The following WDPCP variants were observed in gnomAD, a reference collection of about 807,000 sequenced individuals.
WDPCP encodes the protein WD repeat-containing and planar cell polarity effector protein fritz homolog.
In WDPCP, 71 loss-of-function variants were observed where a neutral mutation model predicts 93.1. That is an observed-to-expected ratio of 0.76 (90% CI 0.63 to 0.93). The LOEUF is 0.93. Ranked by LOEUF, WDPCP falls within the 40% of genes least tolerant of loss-of-function variation. The probability of loss-of-function intolerance (pLI) is 0.00; values close to 1 mark genes in which losing one functional copy is unlikely to be tolerated. For synonymous variants in WDPCP, 315 were observed against 315.0 expected, an observed-to-expected ratio of 1.00 and a Z score of 0.00; for missense variants, 844 against 887.4, an observed-to-expected ratio of 0.95 and a Z score of 0.62.
upstream of WDPCP, among the ~76,000 whole-genome samples, chr2:63,828,777 GC>G (rs1264587128): frequency 1.3e-5 from 2 of 151,964 alleles, no homozygotes; most frequent in Admixed American, 6.6e-5. Context: ...TCAATCCATT[GC>G]CTGGATTCTA....
At chr2:63,309,143 A>G (rs1575110884) in intron 13 of WDPCP, among the ~76,000 whole-genome samples, 1 of 152,274 alleles carries the variant, frequency 6.6e-6, no homozygotes, top group Non-Finnish European at 1.5e-5. Flanking sequence ...AAATTTACCT[A>G]TTGGATACAA....
chr2:63,658,682 A>T (rs1386386934), intron 2 of WDPCP, among the ~76,000 whole-genome samples: 1 of 152,216 alleles, frequency 6.6e-6, no homozygotes, highest in African/African-American at 2.4e-5. Context: ...TGCTCAAATA[A>T]CAATAGTTTG....
At position 63,487,447 on chromosome 2, in the gene WDPCP, C is replaced by T. The variant is rs1255148028; in HGVS notation, c.208G>A (p.Ala70Thr). Residue 70 changes from alanine to threonine, a missense_variant and splice_region_variant, in exon 3 of 18, where the codon GCG (alanine) becomes ACG (threonine). Physicochemically the swap from Ala to Thr is moderately conservative, Grantham distance 58 (BLOSUM62 0). Coordinates refer to ENST00000272321, the MANE Select transcript of WDPCP (RefSeq NM_015910.7). ...TAATTGCACAGAATAGGTACTTTAC[C>T]TGGTGGATCTTTCTTGTCATAATAC... ...YQYYDKKDPP[A>T]TEHGNLEKKQ... is the part of the protein sequence containing the mutation. The T allele has an allele frequency of 4.4e-6, 7 of 1,587,874 alleles. No homozygotes were observed. Among genetic ancestry groups the T allele is most frequent in the Admixed American group, 1.7e-5 (1 of 59,680 alleles).
chr2:63,566,850 C>A (rs1046740464), intron 1 of WDPCP, among the ~76,000 whole-genome samples: 4 of 152,208 alleles, frequency 2.6e-5, no homozygotes, highest in Non-Finnish European at 2.9e-5. Flanking sequence ...GTTCCCACGA[C>A]CCCCTCCTCA....
intron 4 of WDPCP, 40 bp from the exon 5 acceptor site, chr2:63,485,027 T>C (rs1700485568): frequency 6.2e-7 from 1 of 1,608,938 alleles, no homozygotes; most frequent in South Asian, 1.1e-5. Context: ...TTAAACAAGA[T>C]TTAAAAAGGA....
rs370398046 is a variant in WDPCP, at chr2:63,493,646, A to C, written c.76-706T>G. Among the ~76,000 whole-genome samples the C allele has an allele frequency of 1.1e-4, 17 of 151,496 alleles. No homozygotes were observed. The East Asian group carries it at 2.1e-3, about 19-fold the overall frequency. The stretch of plus-strand genomic sequence containing the variant: ...ACACTATGAATACTTTTTTTTTTTA[A>C]TCAAGTACTACCTCATCGATTTAGA... On this transcript the variant is annotated intron_variant, in intron 1 of 17. Transcript: ENST00000272321.
At chr2:63,793,587 G>A (rs1343192147) in intron 2 of WDPCP, among the ~76,000 whole-genome samples, 1 of 151,836 alleles carries the variant, frequency 6.6e-6, no homozygotes, top group Non-Finnish European at 1.5e-5. Flanking sequence ...CCTAAGCCCG[G>A]GTGACAGAGC....
intron 1 of WDPCP, among the ~76,000 whole-genome samples, chr2:63,538,550 G>A (rs1378304427): frequency 6.6e-6 from 1 of 152,108 alleles, no homozygotes; most frequent in African/African-American, 2.4e-5. Context: ...CTATAAAGAT[G>A]ATTTCCATAT....
chr2:63,338,566 AAAAATATATATATATATATATAT>A (rs1440078658), intron 12 of WDPCP, among the ~76,000 whole-genome samples: 124 of 9,916 alleles, frequency 0.013, 4 homozygotes, highest in Middle Eastern at 0.12. Flanking sequence ...AAAAAAAAAA[AAAAATATATATATATATATATAT>A]ATATATATAT....
intron 12 of WDPCP, among the ~76,000 whole-genome samples, chr2:63,366,739 T>C (rs1690944091): frequency 2.0e-5 from 3 of 152,138 alleles, no homozygotes; most frequent in Non-Finnish European, 2.9e-5. Context: ...TCTCCCTTCT[T>C]ATCAAATACC....
At chr2:63,222,026 C>T (rs1677880691) in intron 14 of WDPCP, among the ~76,000 whole-genome samples, 1 of 152,110 alleles carries the variant, frequency 6.6e-6, no homozygotes, top group African/African-American at 2.4e-5. Flanking sequence ...TAAGAGTCAC[C>T]ACCAGGCTCT....
chr2:63,694,703 A>G, intron 2 of WDPCP, among the ~76,000 whole-genome samples: 1 of 152,186 alleles, frequency 6.6e-6, no homozygotes, highest in Admixed American at 6.5e-5. Context: ...AGCATAAAAA[A>G]GGAAATGAAA....
intron 2 of WDPCP, among the ~76,000 whole-genome samples, chr2:63,791,584 G>A (rs1670546909): frequency 6.6e-6 from 1 of 152,052 alleles, no homozygotes; most frequent in Admixed American, 6.6e-5. Context: ...TTGAATATTT[G>A]CCTAGAATAA....
chr2:63,578,352 G>A (rs768586240), intron 1 of WDPCP, among the ~76,000 whole-genome samples: 3 of 152,156 alleles, frequency 2.0e-5, no homozygotes, highest in Admixed American at 1.3e-4. Flanking sequence ...ACAGCGCACA[G>A]CTCTGAGTAG....
At chr2:63,579,622 A>G (rs1296397555) in intron 1 of WDPCP, among the ~76,000 whole-genome samples, 2 of 152,190 alleles carry the variant, frequency 1.3e-5, no homozygotes, top group Non-Finnish European at 2.9e-5. Flanking sequence ...ACAAAAAGAA[A>G]AAGAAAAAGA....
intron 12 of WDPCP, among the ~76,000 whole-genome samples, chr2:63,367,099 TA>T (rs199702880): frequency 1.7e-4 from 26 of 148,884 alleles, no homozygotes; most frequent in South Asian, 8.5e-4. Context: ...TCATCATTTG[TA>T]AAAAAAAAAT....
At chr2:63,536,436 A>T (rs1023910293) in intron 1 of WDPCP, among the ~76,000 whole-genome samples, 1 of 152,182 alleles carries the variant, frequency 6.6e-6, no homozygotes, top group African/African-American at 2.4e-5. Flanking sequence ...CACTATTCAC[A>T]ATAGCGAAGA....
At chr2:63,613,849 GA>G (rs1709644778) in intron 3 of WDPCP, among the ~76,000 whole-genome samples, 1 of 152,122 alleles carries the variant, frequency 6.6e-6, no homozygotes, top group Admixed American at 6.5e-5. Flanking sequence ...TCTGACTGAG[GA>G]AAACTTCTTT....
chr2:63,640,424 G>C (rs1239330236), intron 3 of WDPCP, among the ~76,000 whole-genome samples: 1 of 152,174 alleles, frequency 6.6e-6, no homozygotes, highest in Non-Finnish European at 1.5e-5. Context: ...AGCCTGGCAG[G>C]TTGAGGCAGC....
Sources: allele counts gnomAD v4.1 joint callset (sites outside exome capture counted in the v4.1 genomes callset), GRCh38; gene constraint gnomAD v4.1.1; transcripts MANE v1.5; gene names NCBI Gene and HGNC (gene_info 2026-07-23, HGNC 2026-07-21).